The following SPON1 variants were observed in gnomAD, a reference collection of about 807,000 sequenced individuals.
The protein encoded by SPON1 is spondin 1.
SPON1 carries 52 observed loss-of-function variants against 111.7 expected under a neutral mutation model. The ratio of observed to expected loss-of-function variants is 0.47; its 90% confidence interval spans 0.37 to 0.59. SPON1 has a LOEUF of 0.59. SPON1 is among the 20% of genes least tolerant of loss of function. SPON1 has a pLI of 0.00. For synonymous variants in SPON1, 410 were observed against 395.8 expected, an observed-to-expected ratio of 1.04 and a Z score of -0.43; for missense variants, 957 against 1,068.5, an observed-to-expected ratio of 0.90 and a Z score of 1.46.
intron 6 of SPON1, among the ~76,000 whole-genome samples, chr11:14,176,441 C>T (rs538169288): frequency 6.6e-6 from 1 of 152,258 alleles, no homozygotes; most frequent in East Asian, 1.9e-4. Context: ...CGAACAGACA[C>T]CCTGCAATGA....
At chr11:14,073,616 C>G (rs1489669724) in intron 3 of SPON1, among the ~76,000 whole-genome samples, 1 of 152,158 alleles carries the variant, frequency 6.6e-6, no homozygotes, top group Admixed American at 6.5e-5. Context: ...TTCAGGGGAG[C>G]CTTTCCCAGC....
intron 2 of SPON1, among the ~76,000 whole-genome samples, chr11:13,999,176 A>G (rs1554912167): frequency 6.6e-6 from 1 of 152,236 alleles, no homozygotes. Context: ...TTAATACTAT[A>G]AATAATTTAG....
chr11:14,129,352 TA>T (rs1847500772), intron 5 of SPON1, among the ~76,000 whole-genome samples: 1 of 152,200 alleles, frequency 6.6e-6, no homozygotes, highest in East Asian at 1.9e-4. Context: ...TGCTGCTAGA[TA>T]CCATAAATCC....
intron 6 of SPON1, among the ~76,000 whole-genome samples, chr11:14,237,922 C>G (rs2133915844): frequency 6.6e-6 from 1 of 152,270 alleles, no homozygotes; most frequent in African/African-American, 2.4e-5. Context: ...CTTTCAGGCC[C>G]CATCTGCCTG....
chr11:14,090,833 CCCCCCCCCCCCG>C (rs782694814), intron 5 of SPON1, among the ~76,000 whole-genome samples: 20,934 of 48,932 alleles, frequency 0.43, 2,944 homozygotes, highest in South Asian at 0.59. Flanking sequence ...GGCCCCCCCC[CCCCCCCCCCCCG>C]CCCACATCCT....
At chr11:14,156,469 C>A (rs1180473335) in intron 6 of SPON1, among the ~76,000 whole-genome samples, 4 of 146,146 alleles carry the variant, frequency 2.7e-5, no homozygotes, top group Non-Finnish European at 6.1e-5. Context: ...ATGGTAGTTT[C>A]TTTTGCTCTG....
At chr11:13,996,242 TG>T (rs1848271531) in intron 2 of SPON1, among the ~76,000 whole-genome samples, 1 of 152,202 alleles carries the variant, frequency 6.6e-6, no homozygotes, top group African/African-American at 2.4e-5. Flanking sequence ...GGAGCTCACT[TG>T]GTGTAAAATG....
At chr11:14,160,041 A>G (rs1554930776) in intron 6 of SPON1, among the ~76,000 whole-genome samples, 1 of 152,040 alleles carries the variant, frequency 6.6e-6, no homozygotes, top group Non-Finnish European at 1.5e-5. Context: ...CTTAAAGAGT[A>G]TAATTGGATT....
intron 5 of SPON1, among the ~76,000 whole-genome samples, chr11:14,124,808 C>A (rs1451052275): frequency 2.6e-5 from 4 of 152,162 alleles, no homozygotes; most frequent in Non-Finnish European, 5.9e-5. Flanking sequence ...AGTAAATATT[C>A]ATTGAATGAA....
intron 6 of SPON1, among the ~76,000 whole-genome samples, chr11:14,159,439 A>T (rs1262382251): frequency 1.3e-5 from 2 of 152,184 alleles, no homozygotes; most frequent in Non-Finnish European, 2.9e-5. Context: ...GTGGGAATGC[A>T]AATTAGTACA....
At chr11:14,209,565 A>T (rs7112226) in intron 6 of SPON1, among the ~76,000 whole-genome samples, 81,845 of 151,894 alleles carry the variant, frequency 0.54, 22,189 homozygotes, top group Middle Eastern at 0.6. Flanking sequence ...TCCAGCTTCA[A>T]CCATGTCCCT....
At chr11:14,234,264 G>A (rs1167625465) in intron 6 of SPON1, among the ~76,000 whole-genome samples, 2 of 152,186 alleles carry the variant, frequency 1.3e-5, no homozygotes, top group African/African-American at 4.8e-5. Flanking sequence ...CATCACCTAC[G>A]TGATGTTCGA....
chr11:14,185,293 T>C (rs1288502642), intron 6 of SPON1, among the ~76,000 whole-genome samples: 2 of 152,216 alleles, frequency 1.3e-5, no homozygotes, highest in Admixed American at 6.5e-5. Context: ...AGAGTTTAGT[T>C]TGAAGGTTTG....
chr11:13,993,754 A>G (rs1446346434), intron 2 of SPON1, among the ~76,000 whole-genome samples: 1 of 152,218 alleles, frequency 6.6e-6, no homozygotes, highest in Non-Finnish European at 1.5e-5. Context: ...ATCTCCCTTC[A>G]GAGTATCCCT....
intron 5 of SPON1, among the ~76,000 whole-genome samples, chr11:14,096,560 C>T (rs1016580232): frequency 9.9e-5 from 15 of 152,282 alleles, no homozygotes; most frequent in Non-Finnish European, 5.9e-5. Context: ...ACCTACCCAC[C>T]CACTGCTCCC....
At position 13,983,067 on chromosome 11, in the gene SPON1, G is replaced by C. The variant is rs7934298; in HGVS notation, c.345+114G>C. 44 of 665,402 alleles carry C rather than the reference G, an allele frequency of 6.6e-5. 1 individual carries two copies. The East Asian group carries it at 1.2e-3, about 18-fold the overall frequency. 41.2% of individuals were successfully genotyped at this position (665,402 alleles called of 1,614,324 possible). A position where few individuals can be genotyped will look rare whatever the true frequency, so the allele number is the denominator to read the frequency against. ...TGCAGTCCCTTGACCGTTGGCCAAC[G>C]GGGGCAGGTCCATTTGAAAGGGTCA... On this transcript the variant is annotated intron_variant, in intron 2 of 15. Transcript: ENST00000576479.
Position 14,259,725 on chromosome 11 carries a change from TGGAGGAGGCCACTG to T in SPON1, c.1831+27_1831+40del, listed in dbSNP as rs781810932. ...CCGTGAGTGAGAGCGGGGGTGGACT[TGGAGGAGGCCACTG>T]GGGACAGGCGTGGAGGGCCATGGCA... On this transcript the variant is annotated intron_variant, in intron 13 of 15. Transcript: ENST00000576479. The surrounding 1 kb of genome is among the most constrained non-coding windows in gnomAD (Gnocchi z 5.0). The T allele has an allele frequency of 9.6e-6, 15 of 1,560,692 alleles. No homozygotes were observed. The highest frequency in any genetic ancestry group is 1.2e-5 in the Non-Finnish European group (14 of 1,152,384).
chr11:14,260,445 C>T, intron 13 of SPON1, 143 bp from the exon 14 acceptor site: 3 of 802,154 alleles, frequency 3.7e-6, no homozygotes, highest in Non-Finnish European at 3.8e-6. Flanking sequence ...CCATAGATTT[C>T]ACTCTTATTT....
At chr11:14,139,675 A>G (rs935339636) in intron 6 of SPON1, among the ~76,000 whole-genome samples, 2 of 150,880 alleles carry the variant, frequency 1.3e-5, no homozygotes, top group Non-Finnish European at 2.9e-5. Context: ...TCATGAGCCT[A>G]CATCCTAACA....
Sources: gnomAD v4.1 joint callset for allele counts (sites outside exome capture counted in the v4.1 genomes callset) on GRCh38, gnomAD v4.1.1 for gene constraint, Gnocchi (gnomAD v3.1) non-coding constraint, MANE v1.5 for transcripts, NCBI Gene and HGNC (gene_info 2026-07-23, HGNC 2026-07-21) for gene names.